The following DISC1 variants were observed in gnomAD, a reference collection of about 807,000 sequenced individuals.
The protein encoded by DISC1 is DISC1 scaffold protein.
In DISC1, 57 loss-of-function variants were observed where a neutral mutation model predicts 84.5. The ratio of observed to expected loss-of-function variants is 0.67; its 90% CI spans 0.55 to 0.84. The LOEUF is 0.84. DISC1 is among the 40% of genes least tolerant of loss of function. DISC1 has a pLI of 0.00. For missense variants in DISC1, 1,000 were observed against 1,057.8 expected, an observed-to-expected ratio of 0.95 and a Z score of 0.76; for synonymous variants, 411 against 415.2, an observed-to-expected ratio of 0.99 and a Z score of 0.12.
chr1:231,950,941 A>C (rs1259707067), intron 9 of DISC1, among the ~76,000 whole-genome samples: 4 of 152,178 alleles, frequency 2.6e-5, no homozygotes, highest in African/African-American at 9.6e-5. Context: ...TCCAGGGTTC[A>C]AGGGCAATGG....
At chr1:231,692,216 C>T (rs2065123853) in intron 1 of DISC1, among the ~76,000 whole-genome samples, 1 of 152,152 alleles carries the variant, frequency 6.6e-6, no homozygotes, top group Non-Finnish European at 1.5e-5. Context: ...TTAAATGCCT[C>T]CCTTCCTTTC....
chr1:231,831,231 A>G lies in DISC1; in HGVS notation c.1981+12714A>G, dbSNP rs182079625. 9.3e-3 allele frequency among the ~76,000 whole-genome samples: 1,419 copies of G among 152,276 alleles called. 16 individuals are homozygous for G. The highest frequency in any genetic ancestry group is 0.031 in the African/African-American group (1,285 of 41,538). On this transcript the variant is annotated intron_variant, in intron 9 of 12. Transcript: ENST00000439617. ...AGGGAGGAGGCCTGAACAATCCCCAAGGGGTAGTAGAATAGCAGATGGAAC... is the reference window on the plus strand; with the variant it reads ...AGGGAGGAGGCCTGAACAATCCCCAGGGGGTAGTAGAATAGCAGATGGAAC...
rs552070134 is a variant in DISC1 at position 231,926,126 on chromosome 1, A to G, written c.1982-32702A>G. ...GAAGAGAATTAGTTATTCCATTTCT[A>G]TGAATATTTTCAACCCAAGATTGTT... is the stretch of plus-strand genomic sequence containing the variant. On this transcript the variant is annotated intron_variant, in intron 9 of 12. Coordinates refer to ENST00000439617, the MANE Select transcript of DISC1 (RefSeq NM_018662.3). Among the ~76,000 whole-genome samples the G allele has an allele frequency of 1.6e-4, 24 of 152,334 alleles. No individual in the cohort carries two copies. In the South Asian group the frequency reaches 5.0e-3, roughly 32 times the overall value.
chr1:231,833,112 G>A (rs548261104), intron 9 of DISC1, among the ~76,000 whole-genome samples: 2 of 150,442 alleles, frequency 1.3e-5, no homozygotes, highest in South Asian at 2.1e-4. Flanking sequence ...AAGAAGGGCG[G>A]CAATGAGATT....
chr1:231,639,408 C>A (rs1411572838), intron 1 of DISC1, among the ~76,000 whole-genome samples: 2 of 152,228 alleles, frequency 1.3e-5, no homozygotes, highest in Non-Finnish European at 2.9e-5. Flanking sequence ...GCTCCCAACA[C>A]CTCCTGCGTT....
At chr1:231,696,195 C>T (rs2065677827) in intron 2 of DISC1, among the ~76,000 whole-genome samples, 1 of 152,238 alleles carries the variant, frequency 6.6e-6, no homozygotes, top group African/African-American at 2.4e-5. Flanking sequence ...TAATCTGTCT[C>T]TCATCACCAT....
intron 3 of DISC1, among the ~76,000 whole-genome samples, chr1:231,727,434 C>T (rs1301716462): frequency 6.6e-6 from 1 of 152,038 alleles, no homozygotes; most frequent in East Asian, 1.9e-4. Flanking sequence ...GGACAGAGAG[C>T]GAGTTTAGGA....
At chr1:231,969,492 G>C (rs1017762696) in intron 10 of DISC1, among the ~76,000 whole-genome samples, 1 of 151,750 alleles carries the variant, frequency 6.6e-6, no homozygotes, top group Admixed American at 6.6e-5. Context: ...GAGCTCCAAG[G>C]CCCCTCCTCT....
chr1:232,037,028 G>C lies in DISC1; in HGVS notation c.*197G>C, dbSNP rs75779221. 0.014 allele frequency: 6,826 copies of C among 476,718 alleles called. 331 individuals carry two copies. Among genetic ancestry groups the C allele is most frequent in the African/African-American group, 0.11 (5,474 of 50,092 alleles). The allele number at this position is 476,718 out of a possible 1,614,324, so 29.5% of individuals were successfully genotyped here. A position where few individuals can be genotyped will look rare whatever the true frequency, so the allele number is the denominator to read the frequency against. On this transcript the variant is annotated 3_prime_UTR_variant, in exon 13 of 13. Transcript: ENST00000439617. ...GTCTGCAATTTGGAATATGGAGAGAGAGACTGATTTGCTGAATTTCCTTCT... is the reference window on the plus strand; with the variant it reads ...GTCTGCAATTTGGAATATGGAGAGACAGACTGATTTGCTGAATTTCCTTCT...
At chr1:231,884,630 G>T (rs2086552395) in intron 9 of DISC1, among the ~76,000 whole-genome samples, 2 of 152,080 alleles carry the variant, frequency 1.3e-5, no homozygotes, top group Admixed American at 6.5e-5. Context: ...AGACGCTGGG[G>T]CCTACTTGAG....
At chr1:231,811,311 C>G (rs546942181) in intron 8 of DISC1, among the ~76,000 whole-genome samples, 350 of 152,268 alleles carry the variant, frequency 2.3e-3, no homozygotes, top group African/African-American at 7.9e-3. Flanking sequence ...GCTTCTTGGC[C>G]GCCTCCATTG....
chr1:231,818,853 C>A, intron 9 of DISC1: 2 of 1,117,508 alleles, frequency 1.8e-6, no homozygotes, highest in Non-Finnish European at 2.2e-6. Context: ...TCCTTTTGTC[C>A]CTTGGCTCCG....
intron 10 of DISC1, among the ~76,000 whole-genome samples, chr1:231,970,628 A>C (rs1218220790): frequency 6.6e-6 from 1 of 152,222 alleles, no homozygotes; most frequent in Non-Finnish European, 1.5e-5. Flanking sequence ...TGTTTTTGAA[A>C]GATAGCCTGA....
chr1:231,807,891 T>C (rs2125687812), intron 8 of DISC1, among the ~76,000 whole-genome samples: 1 of 152,346 alleles, frequency 6.6e-6, no homozygotes, highest in East Asian at 1.9e-4. Context: ...GAGAATTATA[T>C]CCAGGGCACC....
chr1:231,733,808 G>T (rs942787825), intron 3 of DISC1, among the ~76,000 whole-genome samples: 5 of 140,090 alleles, frequency 3.6e-5, no homozygotes, highest in African/African-American at 1.0e-4. Context: ...GTGGTGCCAT[G>T]AGTAGTGGTG....
chr1:231,922,818 G>A (rs1334700903), intron 9 of DISC1, among the ~76,000 whole-genome samples: 2 of 152,108 alleles, frequency 1.3e-5, no homozygotes, highest in South Asian at 2.1e-4. Flanking sequence ...TCCAGCAGGC[G>A]CTCCTCAGAG....
chr1:231,713,783 TATATATAGGAG>T (rs1311606629), intron 3 of DISC1, among the ~76,000 whole-genome samples: 3 of 144,686 alleles, frequency 2.1e-5, no homozygotes, highest in African/African-American at 5.1e-5. Context: ...ATAGGAGATA[TATATATAGGAG>T]ATATATATAT....
intron 10 of DISC1, among the ~76,000 whole-genome samples, chr1:231,967,360 G>C (rs188893807): frequency 3.9e-5 from 6 of 152,238 alleles, no homozygotes; most frequent in African/African-American, 1.4e-4. Flanking sequence ...CAGTTTACTG[G>C]AGTGTGGGAA....
At chr1:231,837,076 TG>T (rs146642745) in intron 9 of DISC1, among the ~76,000 whole-genome samples, 4,520 of 152,312 alleles carry the variant, frequency 0.03, 230 homozygotes, top group African/African-American at 0.1. Flanking sequence ...TCTTTAGTAT[TG>T]AGAAGGTTTT....
Sources: gnomAD v4.1 joint callset for allele counts (sites outside exome capture counted in the v4.1 genomes callset) on GRCh38, gnomAD v4.1.1 for gene constraint, MANE v1.5 for transcripts, NCBI Gene and HGNC (gene_info 2026-07-23, HGNC 2026-07-21) for gene names.